The following ENOX1 variants were observed in gnomAD, a reference collection of about 807,000 sequenced individuals.
ENOX1 encodes the protein candidate growth-related and time keeping constitutive hydroquinone (NADH) oxidase.
Under a neutral mutation model 82.5 loss-of-function variants are expected in ENOX1, and 42 were observed. The observed-to-expected ratio is 0.51, with a 90% CI of 0.40 to 0.66. The LOEUF is 0.66. Among genes scored for constraint, ENOX1 ranks in the 30% least tolerant of loss-of-function variants. The pLI is 0.00. For synonymous variants in ENOX1, 271 were observed against 282.2 expected (o/e 0.96, Z 0.40); for missense variants, 608 against 811.6 (o/e 0.75, Z 3.05).
chr13:43,616,737 T>C (rs1160273754), intron 2 of ENOX1, among the ~76,000 whole-genome samples: 2 of 152,322 alleles, frequency 1.3e-5, no homozygotes, highest in South Asian at 4.1e-4. Context: ...CATTTCTCTC[T>C]CTTCCCTTCT....
chr13:43,285,582 G>T (rs2045646924), intron 12 of ENOX1, among the ~76,000 whole-genome samples: 1 of 151,964 alleles, frequency 6.6e-6, no homozygotes, highest in South Asian at 2.1e-4. Flanking sequence ...GAGGCAGGCA[G>T]ATCACCTGAG....
chr13:43,775,735 C>G (rs1218435323), intron 1 of ENOX1, among the ~76,000 whole-genome samples: 1 of 151,982 alleles, frequency 6.6e-6, no homozygotes, highest in Non-Finnish European at 1.5e-5. Flanking sequence ...AATGAAGCTG[C>G]TAGGGGGGCC....
intron 5 of ENOX1, among the ~76,000 whole-genome samples, chr13:43,382,513 A>G (rs574461028): frequency 6.6e-6 from 1 of 152,322 alleles, no homozygotes; most frequent in Non-Finnish European, 1.5e-5. Flanking sequence ...AGTGAAAGAA[A>G]CCAGAAACTG....
intron 12 of ENOX1, among the ~76,000 whole-genome samples, chr13:43,281,303 A>G (rs2045369189): frequency 6.6e-6 from 1 of 152,224 alleles, no homozygotes; most frequent in South Asian, 2.1e-4. Flanking sequence ...TATCTGGCAA[A>G]ATACAATACA....
chr13:43,715,388 C>T (rs1168613875), intron 1 of ENOX1, among the ~76,000 whole-genome samples: 1 of 151,750 alleles, frequency 6.6e-6, no homozygotes, highest in African/African-American at 2.4e-5. Flanking sequence ...AATTATGTGT[C>T]TTGGAGTTGC....
At chr13:43,380,699 A>T (rs1273482670) in intron 5 of ENOX1, among the ~76,000 whole-genome samples, 1 of 151,748 alleles carries the variant, frequency 6.6e-6, no homozygotes, top group Non-Finnish European at 1.5e-5. Context: ...AGTTAAAAAT[A>T]AAAGGACTGA....
intron 2 of ENOX1, among the ~76,000 whole-genome samples, chr13:43,501,250 C>T (rs562879085): frequency 6.6e-6 from 1 of 151,748 alleles, no homozygotes; most frequent in South Asian, 2.1e-4. Context: ...TTTAAGTCAA[C>T]TGTCACAAGA....
intron 2 of ENOX1, among the ~76,000 whole-genome samples, chr13:43,501,646 A>G (rs112840420): frequency 0.01 from 1,561 of 151,822 alleles, 30 homozygotes; most frequent in African/African-American, 0.036. Flanking sequence ...ACACACTCCT[A>G]AACAACTATT....
At chr13:43,448,936 C>T (rs372160665) in intron 3 of ENOX1, among the ~76,000 whole-genome samples, 7 of 152,184 alleles carry the variant, frequency 4.6e-5, no homozygotes, top group African/African-American at 1.7e-4. Context: ...GAAATCCGCA[C>T]CATCTTAGAA....
At chr13:43,250,424 C>A (rs1214072793) in intron 14 of ENOX1, among the ~76,000 whole-genome samples, 1 of 152,226 alleles carries the variant, frequency 6.6e-6, no homozygotes, top group Non-Finnish European at 1.5e-5. Flanking sequence ...GTGCTCCCAA[C>A]AGGCGGCATT....
In ENOX1 at chr13:43,657,322, T is replaced by A. The variant is rs575779269; in HGVS notation, c.-219+10157A>T. On this transcript the variant is annotated intron_variant, in intron 2 of 16. Transcript: ENST00000690772. ...CTTTAAGTAATTATTTTAGATTTGTTTCCACATGTGGAAATCAGTAGGTGT... is the reference window on the plus strand; with the variant it reads ...CTTTAAGTAATTATTTTAGATTTGTATCCACATGTGGAAATCAGTAGGTGT... Among the ~76,000 whole-genome samples, 4 of 152,336 alleles carry A rather than the reference T, an allele frequency of 2.6e-5. No individual in the cohort carries two copies. In the South Asian group the frequency reaches 8.3e-4, roughly 32 times the overall value.
In ENOX1 at chr13:43,355,989, C is replaced by T; in HGVS notation, c.753G>A (p.Arg251=). 6.2e-7 allele frequency: 1 copy of T among 1,613,462 alleles called. No homozygotes were observed. The highest frequency in any genetic ancestry group is 8.5e-7 in the Non-Finnish European group (1 of 1,179,976). The change falls in exon 8 of 17, where the codon AGG becomes AGA. Residue 251 remains arginine, a synonymous_variant. Transcript: ENST00000690772. ...GCATTATGGCAGGCGGGGATGGGGG[C>T]CTGAGCCGGTCCTCCTCCAGCTTGC... ...HRRKLEEDRL[R]PPSPPAIMHY...
rs558942050 is a variant in ENOX1 at position 43,408,332 on chromosome 13, G to T, written c.208+3584C>A. Among the ~76,000 whole-genome samples, 9 of 152,292 alleles carry T rather than the reference G, an allele frequency of 5.9e-5. No individual in the cohort carries two copies. In the East Asian group the frequency reaches 1.7e-3, roughly 29 times the overall value. On this transcript the variant is annotated intron_variant, in intron 5 of 16. Transcript: ENST00000690772. ...TAAATTGAAGAAGCAGTGAGGAAAGGGATTTAGTGTCAGTTTAATTTCAAC... is the reference window on the plus strand; with the variant it reads ...TAAATTGAAGAAGCAGTGAGGAAAGTGATTTAGTGTCAGTTTAATTTCAAC...
chr13:43,215,299 G>A (rs114820472), intron 16 of ENOX1, among the ~76,000 whole-genome samples: 46 of 152,232 alleles, frequency 3.0e-4, no homozygotes, highest in African/African-American at 1.1e-3. Flanking sequence ...GTTAAATAGA[G>A]GCAGTTCTGA....
At chr13:43,416,647 C>A (rs943318512) in intron 3 of ENOX1, among the ~76,000 whole-genome samples, 3 of 147,508 alleles carry the variant, frequency 2.0e-5, no homozygotes, top group African/African-American at 5.1e-5. Flanking sequence ...ACATCCCAGA[C>A]CGGGTGGTGG....
chr13:43,270,667 T>C (rs1012071220), intron 12 of ENOX1, among the ~76,000 whole-genome samples: 8 of 152,200 alleles, frequency 5.3e-5, no homozygotes, highest in African/African-American at 1.9e-4. Context: ...GGGTAGGAAG[T>C]ACTCAGAAAA....
At chr13:43,696,126 T>C (rs962165918) in intron 1 of ENOX1, among the ~76,000 whole-genome samples, 7 of 152,354 alleles carry the variant, frequency 4.6e-5, no homozygotes, top group African/African-American at 1.4e-4. Context: ...TGGTATTTCA[T>C]TCCTTTTGAT....
chr13:43,491,144 A>G (rs915192050), intron 2 of ENOX1, among the ~76,000 whole-genome samples: 2 of 152,196 alleles, frequency 1.3e-5, no homozygotes, highest in African/African-American at 4.8e-5. Flanking sequence ...GAGCAGGTCC[A>G]TCACATGATG....
At chr13:43,374,095 T>C in intron 5 of ENOX1, among the ~76,000 whole-genome samples, 1 of 139,794 alleles carries the variant, frequency 7.2e-6, no homozygotes, top group African/African-American at 2.7e-5. Context: ...CCTTCCCTTC[T>C]CTCCCCTCCC....
Sources: allele counts gnomAD v4.1 joint callset (sites outside exome capture counted in the v4.1 genomes callset), GRCh38; gene constraint gnomAD v4.1.1; transcripts MANE v1.5; gene names NCBI Gene and HGNC (gene_info 2026-07-23, HGNC 2026-07-21).